TBC1D5: variants seen among roughly 807,000 people sequenced by gnomAD.
TBC1D5 encodes TBC1 domain family member 5, also known as TBC1 domain family, member 5.
TBC1D5 carries 75 observed loss-of-function variants against 100.3 expected under a neutral mutation model. The ratio of observed to expected loss-of-function variants is 0.75; its 90% CI spans 0.62 to 0.91. TBC1D5 has a LOEUF of 0.91. Among genes scored for constraint, TBC1D5 ranks in the 40% least tolerant of loss-of-function variants. The pLI is 0.00. For missense variants in TBC1D5, 910 were observed against 942.4 expected (o/e 0.97, Z 0.45); for synonymous variants, 323 against 325.6 (o/e 0.99, Z 0.09).
At chr3:17,235,936 G>A (rs1323200557) in intron 17 of TBC1D5, among the ~76,000 whole-genome samples, 1 of 151,018 alleles carries the variant, frequency 6.6e-6, no homozygotes, top group Admixed American at 6.6e-5. Flanking sequence ...GACATGAGAA[G>A]AACAAAACAC....
Position 17,630,987 on chromosome 3 carries a change from T to C in TBC1D5, c.-100-7074A>G, listed in dbSNP as rs191322156. The stretch of plus-strand genomic sequence containing the variant: ...TGAACCCGGGAGGCAGACGTTGCAG[T>C]GAGCCGAGATGGCACCACTGCACTC... On this transcript the variant is annotated intron_variant, in intron 1 of 21. Coordinates refer to ENST00000253692, the Ensembl canonical transcript of TBC1D5. 7.2e-4 allele frequency among the ~76,000 whole-genome samples: 99 copies of C among 137,888 alleles called. 2 individuals carry two copies. The East Asian group carries it at 0.02, about 28-fold the overall frequency. The allele number at this position is 137,888 out of a possible 152,430, so 90.5% of individuals were successfully genotyped here.
intron 17 of TBC1D5, among the ~76,000 whole-genome samples, chr3:17,222,503 T>C (rs2074397535): frequency 1.3e-5 from 2 of 152,140 alleles, no homozygotes; most frequent in South Asian, 4.1e-4. Flanking sequence ...CCCATTTGAA[T>C]GTTAGCTTGG....
chr3:17,641,757 T>C (rs2064531581), intron 1 of TBC1D5, among the ~76,000 whole-genome samples: 1 of 152,148 alleles, frequency 6.6e-6, no homozygotes, highest in South Asian at 2.1e-4. Context: ...TCTAACTTTA[T>C]GTTAATTGTG....
chr3:17,724,251 C>CTCGTCTAA (rs1199313473), intron 1 of TBC1D5, among the ~76,000 whole-genome samples: 1 of 151,980 alleles, frequency 6.6e-6, no homozygotes, highest in Non-Finnish European at 1.5e-5. Context: ...CGCCACCATG[C>CTCGTCTAA]TCGTCTAATT....
At position 17,386,139 on chromosome 3, in the gene TBC1D5, T is replaced by C. The variant is rs573562824; in HGVS notation, c.510-2124A>G. Among the ~76,000 whole-genome samples, 50 of 152,192 alleles carry C rather than the reference T, an allele frequency of 3.3e-4. 1 individual carries two copies. The South Asian group carries it at 9.9e-3, about 30-fold the overall frequency. On this transcript the variant is annotated intron_variant, in intron 8 of 21. Coordinates refer to ENST00000253692, the Ensembl canonical transcript of TBC1D5. ...TTAAGCTACGAATAGAATAATACTT[T>C]TGAGAGGTGAAATTTTCTCTCCTTC...
intron 18 of TBC1D5, among the ~76,000 whole-genome samples, chr3:17,197,262 CCA>C (rs1397435901): frequency 6.6e-6 from 1 of 152,182 alleles, no homozygotes; most frequent in African/African-American, 2.4e-5. Flanking sequence ...ACGTGTAAAA[CCA>C]CTCTACCACT....
chr3:17,337,070 G>T (rs1041230106), intron 13 of TBC1D5, among the ~76,000 whole-genome samples: 1 of 149,116 alleles, frequency 6.7e-6, no homozygotes, highest in Non-Finnish European at 1.5e-5. Context: ...ATGGCATTCT[G>T]CTCTGGAGGT....
intron 1 of TBC1D5, among the ~76,000 whole-genome samples, chr3:17,673,915 A>T (rs1251251141): frequency 6.6e-6 from 1 of 152,192 alleles, no homozygotes; most frequent in African/African-American, 2.4e-5. Context: ...TCCTGAATGA[A>T]GTTAAAGATA....
chr3:17,707,450 T>C (rs961547825), intron 1 of TBC1D5, among the ~76,000 whole-genome samples: 5 of 152,150 alleles, frequency 3.3e-5, no homozygotes, highest in African/African-American at 4.8e-5. Context: ...GATCCCTAAA[T>C]TTAATTTCCT....
intron 2 of TBC1D5, among the ~76,000 whole-genome samples, chr3:17,602,245 T>C (rs2061006788): frequency 6.6e-6 from 1 of 152,200 alleles, no homozygotes; most frequent in Non-Finnish European, 1.5e-5. Flanking sequence ...ATGTGGTGAA[T>C]TAAAGTGACT....
At chr3:17,447,335 A>G (rs1479199606) in intron 3 of TBC1D5, among the ~76,000 whole-genome samples, 1 of 152,220 alleles carries the variant, frequency 6.6e-6, no homozygotes, top group African/African-American at 2.4e-5. Flanking sequence ...GATAAGAAGG[A>G]CTATCAACAA....
chr3:17,562,598 A>G (rs1270283364), intron 2 of TBC1D5, among the ~76,000 whole-genome samples: 1 of 152,148 alleles, frequency 6.6e-6, no homozygotes, highest in Non-Finnish European at 1.5e-5. Context: ...TATGCCAGGG[A>G]CTGTGCTAAA....
At chr3:17,444,194 A>G (rs1481007875) in intron 3 of TBC1D5, among the ~76,000 whole-genome samples, 1 of 152,100 alleles carries the variant, frequency 6.6e-6, no homozygotes, top group Non-Finnish European at 1.5e-5. Flanking sequence ...TGCAAACTAC[A>G]TTAAAAACTT....
intron 1 of TBC1D5, among the ~76,000 whole-genome samples, chr3:17,643,420 A>C (rs1426264789): frequency 3.9e-5 from 6 of 152,084 alleles, no homozygotes; most frequent in African/African-American, 1.4e-4. Context: ...TCTCATGAAT[A>C]TACTTTTTAG....
intron 1 of TBC1D5, among the ~76,000 whole-genome samples, chr3:17,717,855 CACTT>C (rs1015025893): frequency 6.6e-5 from 10 of 152,172 alleles, no homozygotes; most frequent in African/African-American, 2.4e-4. Flanking sequence ...ACCACCTTTA[CACTT>C]ACTATGCACA....
intron 3 of TBC1D5, among the ~76,000 whole-genome samples, chr3:17,471,267 A>C (rs1474292645): frequency 6.6e-6 from 1 of 152,198 alleles, no homozygotes; most frequent in Non-Finnish European, 1.5e-5. Flanking sequence ...AAAGAATTAA[A>C]ACTACAAGGA....
At chr3:17,274,892 A>G (rs2079820162) in intron 15 of TBC1D5, among the ~76,000 whole-genome samples, 1 of 152,202 alleles carries the variant, frequency 6.6e-6, no homozygotes, top group South Asian at 2.1e-4. Flanking sequence ...CGATTTAGTG[A>G]AACAGAGCTT....
intron 2 of TBC1D5, among the ~76,000 whole-genome samples, chr3:17,572,254 C>A (rs1164213955): frequency 6.6e-6 from 1 of 151,400 alleles, no homozygotes; most frequent in Non-Finnish European, 1.5e-5. Flanking sequence ...CCTGGGAGAT[C>A]TGAATTATCA....
intron 9 of TBC1D5, among the ~76,000 whole-genome samples, chr3:17,382,300 C>A (rs1331929127): frequency 6.6e-6 from 1 of 151,784 alleles, no homozygotes; most frequent in Non-Finnish European, 1.5e-5. Flanking sequence ...AGGTGAGATT[C>A]GAACAAAGGA....
Sources: allele counts gnomAD v4.1 joint callset (sites outside exome capture counted in the v4.1 genomes callset), GRCh38; gene constraint gnomAD v4.1.1; transcripts MANE v1.5; gene names NCBI Gene and HGNC (gene_info 2026-07-23, HGNC 2026-07-21).